The following ZDHHC14 variants were observed in gnomAD, a reference collection of about 807,000 sequenced individuals.
ZDHHC14 encodes palmitoyltransferase ZDHHC14.
Under a neutral mutation model 47.7 loss-of-function variants are expected in ZDHHC14, and 16 were observed. The observed-to-expected ratio is 0.34, with a 90% confidence interval of 0.23 to 0.51. The LOEUF (loss-of-function observed/expected upper bound fraction) is 0.51. Ranked by LOEUF, ZDHHC14 falls within the 20% of genes least tolerant of loss-of-function variation. The probability of loss-of-function intolerance (pLI) is 0.97; values close to 1 mark genes in which losing one functional copy is unlikely to be tolerated. For missense variants in ZDHHC14, 515 were observed against 662.5 expected (o/e 0.78, Z 2.44); for synonymous variants, 293 against 278.9 (o/e 1.05, Z -0.50).
intron 1 of ZDHHC14, among the ~76,000 whole-genome samples, chr6:157,518,695 C>T (rs1380091569): frequency 1.4e-5 from 2 of 144,266 alleles, no homozygotes; most frequent in Admixed American, 6.9e-5. Flanking sequence ...AGTTGTTTCA[C>T]GTGAGCCTGT....
At chr6:157,395,179 A>G (rs1181711777) in intron 1 of ZDHHC14, among the ~76,000 whole-genome samples, 1 of 151,028 alleles carries the variant, frequency 6.6e-6, no homozygotes, top group Non-Finnish European at 1.5e-5. Flanking sequence ...TTATTTTTTT[A>G]AGATAAGGTC....
At chr6:157,589,349 A>G (rs1305898519) in intron 2 of ZDHHC14, among the ~76,000 whole-genome samples, 1 of 152,196 alleles carries the variant, frequency 6.6e-6, no homozygotes. Flanking sequence ...GGGCAGGGAT[A>G]CAAAACCAAA....
chr6:157,637,719 C>T (rs1777054431), intron 5 of ZDHHC14, among the ~76,000 whole-genome samples: 1 of 152,168 alleles, frequency 6.6e-6, no homozygotes, highest in Non-Finnish European at 1.5e-5. Flanking sequence ...CTTATATTTT[C>T]ACATTTTCAG....
intron 1 of ZDHHC14, among the ~76,000 whole-genome samples, chr6:157,448,012 C>T (rs1778720722): frequency 6.6e-6 from 1 of 152,066 alleles, no homozygotes; most frequent in South Asian, 2.1e-4. Context: ...GCTAGGACTA[C>T]AGGCCCGCAC....
intron 1 of ZDHHC14, among the ~76,000 whole-genome samples, chr6:157,529,595 G>A (rs1255896916): frequency 1.3e-5 from 2 of 152,210 alleles, no homozygotes; most frequent in African/African-American, 4.8e-5. Context: ...ATCAATGAGC[G>A]ACTTTGTCAC....
intron 8 of ZDHHC14, among the ~76,000 whole-genome samples, chr6:157,656,032 T>C (rs1206666534): frequency 2.6e-5 from 4 of 152,248 alleles, no homozygotes; most frequent in African/African-American, 9.6e-5. Flanking sequence ...TGTGCCTCTG[T>C]GACAGAGAAG....
chr6:157,645,398 C>T (rs942447956), intron 5 of ZDHHC14, among the ~76,000 whole-genome samples: 3 of 152,088 alleles, frequency 2.0e-5, no homozygotes, highest in African/African-American at 7.2e-5. Context: ...GATCAGGATG[C>T]CACAGTCGCT....
chr6:157,554,905 C>T lies in ZDHHC14; in HGVS notation c.406+12160C>T, dbSNP rs149007041. On this transcript the variant is annotated intron_variant, in intron 2 of 8. Transcript: ENST00000359775. ...GCAGGGTCAGTTACAGGCTGAGTCC[C>T]CTGTGCTCTATATAAGTCCCCACCT... Among the ~76,000 whole-genome samples, 49 of 152,308 alleles carry T rather than the reference C, an allele frequency of 3.2e-4. No individual in the cohort carries two copies. The East Asian group carries it at 8.5e-3, about 26-fold the overall frequency.
chr6:157,575,777 A>G (rs1783283195), intron 2 of ZDHHC14, among the ~76,000 whole-genome samples: 6 of 152,236 alleles, frequency 3.9e-5, no homozygotes, highest in Admixed American at 1.3e-4. Flanking sequence ...TTATTTAATT[A>G]ATATATGCCC....
At chr6:157,517,671 C>G (rs920994743) in intron 1 of ZDHHC14, among the ~76,000 whole-genome samples, 2 of 152,162 alleles carry the variant, frequency 1.3e-5, no homozygotes, top group Non-Finnish European at 2.9e-5. Context: ...ACATCCCAAA[C>G]CGGCGACTCC....
At chr6:157,417,124 G>T (rs1020384197) in intron 1 of ZDHHC14, among the ~76,000 whole-genome samples, 2 of 151,482 alleles carry the variant, frequency 1.3e-5, no homozygotes, top group African/African-American at 4.9e-5. Flanking sequence ...CACCGCGCCT[G>T]GCTCATTGTT....
intron 1 of ZDHHC14, among the ~76,000 whole-genome samples, chr6:157,460,907 G>A (rs1046397821): frequency 2.6e-5 from 4 of 152,264 alleles, no homozygotes; most frequent in African/African-American, 4.8e-5. Context: ...TGCTAGCACG[G>A]GTTGGCAACA....
At chr6:157,527,089 A>G (rs2114776360) in intron 1 of ZDHHC14, among the ~76,000 whole-genome samples, 1 of 152,208 alleles carries the variant, frequency 6.6e-6, no homozygotes, top group East Asian at 1.9e-4. Flanking sequence ...GAATCTATGG[A>G]TCCTCCCACA....
intron 1 of ZDHHC14, among the ~76,000 whole-genome samples, chr6:157,428,894 G>A (rs944075784): frequency 1.3e-5 from 2 of 152,170 alleles, no homozygotes; most frequent in African/African-American, 4.8e-5. Flanking sequence ...TTTCACTCGA[G>A]TGACATTTAT....
chr6:157,573,076 C>T (rs1321161826), intron 2 of ZDHHC14, among the ~76,000 whole-genome samples: 1 of 152,158 alleles, frequency 6.6e-6, no homozygotes, highest in African/African-American at 2.4e-5. Flanking sequence ...TTTGTGTTTT[C>T]TAACGAAATT....
intron 7 of ZDHHC14, among the ~76,000 whole-genome samples, chr6:157,647,774 A>T (rs149882386): frequency 6.6e-6 from 1 of 152,338 alleles, no homozygotes; most frequent in African/African-American, 2.4e-5. Context: ...ATTTGCACAC[A>T]ATAGAAATGT....
chr6:157,518,842 T>C (rs1780802364), intron 1 of ZDHHC14, among the ~76,000 whole-genome samples: 1 of 152,236 alleles, frequency 6.6e-6, no homozygotes. Flanking sequence ...CCCAGCGCAT[T>C]CTTGTGAGGG....
chr6:157,392,459 G>T (rs1383811640), intron 1 of ZDHHC14, among the ~76,000 whole-genome samples: 4 of 152,026 alleles, frequency 2.6e-5, no homozygotes, highest in Admixed American at 1.3e-4. Flanking sequence ...GTGTTGGGGG[G>T]TTGTCTCTTA....
chr6:157,408,592 C>T (rs944888791), intron 1 of ZDHHC14, among the ~76,000 whole-genome samples: 3 of 152,108 alleles, frequency 2.0e-5, no homozygotes, highest in Non-Finnish European at 2.9e-5. Context: ...AAGCTCCATC[C>T]GTGTGCCTTC....
Sources: allele counts gnomAD v4.1 joint callset (sites outside exome capture counted in the v4.1 genomes callset), GRCh38; gene constraint gnomAD v4.1.1; transcripts MANE v1.5; gene names NCBI Gene and HGNC (gene_info 2026-07-23, HGNC 2026-07-21).